Variants in AUTS2 observed in about 807,000 individuals in gnomAD.
AUTS2 encodes the protein autism susceptibility gene 2 protein.
A neutral mutation model predicts 112.4 loss-of-function variants in AUTS2; 17 were observed. The observed-to-expected ratio is 0.15, with a 90% CI of 0.10 to 0.23. The LOEUF (loss-of-function observed/expected upper bound fraction) is 0.23, where lower values mean the gene tolerates loss of function less well. Among genes scored for constraint, AUTS2 ranks in the 10% least tolerant of loss-of-function variants. AUTS2 has a pLI of 1.00. For missense variants in AUTS2, 1,510 were observed against 1,701.6 expected (o/e 0.89, Z 1.98); for synonymous variants, 751 against 702.7 (o/e 1.07, Z -1.09).
At chr7:70,095,977 C>T (rs887750886) in intron 2 of AUTS2, among the ~76,000 whole-genome samples, 3 of 151,892 alleles carry the variant, frequency 2.0e-5, no homozygotes. Flanking sequence ...GTATATAAAC[C>T]CTATTGTATC....
At chr7:70,531,713 C>A (rs1232338896) in intron 5 of AUTS2, among the ~76,000 whole-genome samples, 2 of 152,090 alleles carry the variant, frequency 1.3e-5, no homozygotes, top group Admixed American at 6.5e-5. Context: ...GACCCCAACA[C>A]CTCCCACCAG....
chr7:69,744,606 G>A (rs1162731495), intron 1 of AUTS2, among the ~76,000 whole-genome samples: 1 of 151,572 alleles, frequency 6.6e-6, no homozygotes, highest in Non-Finnish European at 1.5e-5. Context: ...GCTGAGGTAG[G>A]AGTATTGCTT....
chr7:70,540,762 C>T (rs1800522132), intron 5 of AUTS2, among the ~76,000 whole-genome samples: 1 of 152,218 alleles, frequency 6.6e-6, no homozygotes, highest in Non-Finnish European at 1.5e-5. Flanking sequence ...ACTGCCAGCA[C>T]ATCCCTTTGA....
intron 1 of AUTS2, among the ~76,000 whole-genome samples, chr7:69,628,530 G>C (rs1794069789): frequency 6.6e-6 from 1 of 152,100 alleles, no homozygotes; most frequent in African/African-American, 2.4e-5. Context: ...TCCTGAAACT[G>C]GGTAATTTTA....
At chr7:69,879,141 TG>T (rs1793929346) in intron 1 of AUTS2, among the ~76,000 whole-genome samples, 1 of 151,528 alleles carries the variant, frequency 6.6e-6, no homozygotes, top group Non-Finnish European at 1.5e-5. Flanking sequence ...TGTGTGTGTG[TG>T]TGTGTGTGTG....
chr7:70,210,989 G>C (rs1376446658), intron 4 of AUTS2, among the ~76,000 whole-genome samples: 3 of 152,136 alleles, frequency 2.0e-5, no homozygotes, highest in Non-Finnish European at 4.4e-5. Context: ...GGGAGGAAGG[G>C]TAGGAAAAAC....
intron 4 of AUTS2, among the ~76,000 whole-genome samples, chr7:70,272,012 G>A (rs529035862): frequency 1.3e-5 from 2 of 152,250 alleles, no homozygotes; most frequent in African/African-American, 2.4e-5. Flanking sequence ...ACTAGGACGC[G>A]TCTCAGCACC....
chr7:70,136,546 G>A (rs544327970), intron 4 of AUTS2, among the ~76,000 whole-genome samples: 4 of 152,230 alleles, frequency 2.6e-5, no homozygotes, highest in African/African-American at 9.6e-5. Context: ...AATGATATGG[G>A]CACAACTTAC....
chr7:70,516,215 A>G (rs773839322), intron 5 of AUTS2, among the ~76,000 whole-genome samples: 5 of 152,194 alleles, frequency 3.3e-5, no homozygotes, highest in African/African-American at 7.2e-5. Flanking sequence ...TTTTTTACCT[A>G]TAAAGATGTG....
In AUTS2 at chr7:69,821,397, ACTCTGTAAAATGGACCAGTCAGTG is replaced by A. The variant is rs547596075; in HGVS notation, c.310-77871_310-77848del. Reference sequence around the variant, plus strand: ...AAGGATTGTAAATGCACCAATCGGCACTCTGTAAAATGGACCAGTCAGTGCTCTGTAAAATGGACCAATGAGCAG... The same window carrying A: ...AAGGATTGTAAATGCACCAATCGGCACTCTGTAAAATGGACCAATGAGCAG... On this transcript the variant is annotated intron_variant, in intron 1 of 18. Coordinates refer to ENST00000342771, the MANE Select transcript of AUTS2 (RefSeq NM_015570.4). Among the ~76,000 whole-genome samples, 1,008 of 152,198 alleles carry A rather than the reference ACTCTGTAAAATGGACCAGTCAGTG, an allele frequency of 6.6e-3. 4 individuals carry two copies. Among genetic ancestry groups the A allele is most frequent in the Middle Eastern group, 0.017 (5 of 294 alleles).
intron 5 of AUTS2, among the ~76,000 whole-genome samples, chr7:70,557,410 C>A (rs983398766): frequency 6.6e-6 from 1 of 152,226 alleles, no homozygotes; most frequent in Non-Finnish European, 1.5e-5. Flanking sequence ...AGGAGTCCCA[C>A]CCACTCCTCC....
At chr7:70,120,942 A>G (rs1805649122) in intron 3 of AUTS2, among the ~76,000 whole-genome samples, 1 of 152,188 alleles carries the variant, frequency 6.6e-6, no homozygotes, top group South Asian at 2.1e-4. Flanking sequence ...ACCAACCTCA[A>G]AACTCACTGC....
chr7:70,640,900 C>G (rs557399063), intron 5 of AUTS2, among the ~76,000 whole-genome samples: 1 of 152,326 alleles, frequency 6.6e-6, no homozygotes, highest in East Asian at 1.9e-4. Context: ...GCAGCAGCTT[C>G]CAGTCTCATC....
chr7:69,723,846 T>G (rs964926535), intron 1 of AUTS2, among the ~76,000 whole-genome samples: 3 of 152,138 alleles, frequency 2.0e-5, no homozygotes, highest in Admixed American at 1.3e-4. Context: ...AACGGTAGTT[T>G]AGTGAAATGG....
intron 2 of AUTS2, among the ~76,000 whole-genome samples, chr7:70,001,707 CAT>C (rs1491308059): frequency 2.7e-5 from 4 of 146,044 alleles, no homozygotes; most frequent in East Asian, 2.0e-4. Context: ...GCCTCATTGT[CAT>C]ATTTTTTTTT....
intron 5 of AUTS2, among the ~76,000 whole-genome samples, chr7:70,678,277 G>C (rs1808028039): frequency 6.6e-6 from 1 of 152,026 alleles, no homozygotes; most frequent in South Asian, 2.1e-4. Context: ...ATACTGTAAA[G>C]AAATAAGGCA....
In AUTS2 at chr7:69,606,865, C is replaced by G. The variant is rs569433059; in HGVS notation, c.309+6903C>G. ...CCATGAATGTAGACTTTTTTCCCCT[C>G]TGGGAGGTGAAGAGGACATAGAATT... On this transcript the variant is annotated intron_variant, in intron 1 of 18. Transcript: ENST00000342771. Among the ~76,000 whole-genome samples, 100 of 152,278 alleles carry G rather than the reference C, an allele frequency of 6.6e-4. No homozygotes were observed. The South Asian group carries it at 0.016, about 24-fold the overall frequency.
chr7:70,719,077 A>G (rs767701913), intron 6 of AUTS2, among the ~76,000 whole-genome samples: 7 of 152,180 alleles, frequency 4.6e-5, no homozygotes, highest in African/African-American at 9.7e-5. Flanking sequence ...GATCACTTCA[A>G]TTAACCCATG....
At chr7:70,404,042 C>T (rs1375181455) in intron 4 of AUTS2, among the ~76,000 whole-genome samples, 1 of 152,192 alleles carries the variant, frequency 6.6e-6, no homozygotes, top group East Asian at 1.9e-4. Flanking sequence ...ATGTCTTCTG[C>T]ACACCTTATC....
Sources: gnomAD v4.1 joint callset for allele counts (sites outside exome capture counted in the v4.1 genomes callset) on GRCh38, gnomAD v4.1.1 for gene constraint, MANE v1.5 for transcripts, NCBI Gene and HGNC (gene_info 2026-07-23, HGNC 2026-07-21) for gene names.